The following KCNAB1 variants were observed in gnomAD, a reference collection of about 807,000 sequenced individuals.
KCNAB1 encodes the protein potassium voltage-gated channel subfamily A regulatory beta subunit 1.
KCNAB1 carries 35 observed loss-of-function variants against 64.6 expected under a neutral mutation model. That is an observed-to-expected ratio of 0.54 (90% CI 0.41 to 0.72). The LOEUF is 0.72. KCNAB1 is among the 30% of genes least tolerant of loss of function. The pLI, the probability that KCNAB1 is intolerant of heterozygous loss-of-function variation, is 0.00. For synonymous variants in KCNAB1, 177 were observed against 183.8 expected (o/e 0.96, Z 0.30); for missense variants, 401 against 512.9 (o/e 0.78, Z 2.11).
chr3:156,257,085 T>A (rs1271535622), intron 1 of KCNAB1, among the ~76,000 whole-genome samples: 3 of 152,208 alleles, frequency 2.0e-5, no homozygotes, highest in Non-Finnish European at 4.4e-5. Context: ...TCAGGGACAT[T>A]CCCATTATAC....
chr3:156,294,810 A>T (rs1331916183), intron 1 of KCNAB1, among the ~76,000 whole-genome samples: 1 of 152,194 alleles, frequency 6.6e-6, no homozygotes, highest in African/African-American at 2.4e-5. Flanking sequence ...AAGATTTTTT[A>T]AAAAGTCTTT....
chr3:156,247,691 T>C (rs568825697), intron 1 of KCNAB1, among the ~76,000 whole-genome samples: 3 of 152,090 alleles, frequency 2.0e-5, no homozygotes, highest in African/African-American at 4.8e-5. Flanking sequence ...GCCTCCCAGA[T>C]AGCTAGGACT....
rs73876137 is a variant in KCNAB1, at chr3:156,241,886, C to T, written c.275+121000C>T. On this transcript the variant is annotated intron_variant, in intron 1 of 13. Transcript: ENST00000490337. ...TGTGTCTGAAAATGTCTTTATTTTC[C>T]CCTTGAACTGATTGGCTGGATCAAG... Among the ~76,000 whole-genome samples the T allele has an allele frequency of 3.4e-3, 517 of 151,894 alleles. 3 individuals carry two copies. Among genetic ancestry groups the T allele is most frequent in the African/African-American group, 0.012 (487 of 41,416 alleles).
chr3:156,153,570 G>A (rs989032628), intron 1 of KCNAB1, among the ~76,000 whole-genome samples: 5 of 152,178 alleles, frequency 3.3e-5, no homozygotes, highest in Non-Finnish European at 5.9e-5. Flanking sequence ...TGGAATTGGT[G>A]GACTGAGTAA....
chr3:156,390,020 T>G (rs1262802785), intron 1 of KCNAB1, among the ~76,000 whole-genome samples: 2 of 152,234 alleles, frequency 1.3e-5, no homozygotes, highest in African/African-American at 4.8e-5. Flanking sequence ...CACAGACATA[T>G]CATTTTTGGA....
chr3:156,382,840 A>G (rs1281893004), intron 1 of KCNAB1, among the ~76,000 whole-genome samples: 3 of 152,230 alleles, frequency 2.0e-5, no homozygotes, highest in Non-Finnish European at 4.4e-5. Context: ...GCCTACCTGC[A>G]ATGAAAAAGA....
At chr3:156,262,948 G>T (rs1330449828) in intron 1 of KCNAB1, among the ~76,000 whole-genome samples, 3 of 151,644 alleles carry the variant, frequency 2.0e-5, no homozygotes, top group African/African-American at 7.2e-5. Context: ...TTGTGAAGTT[G>T]TTCATATTTT....
In KCNAB1 at chr3:156,474,797, C is replaced by G; in HGVS notation, c.635C>G (p.Pro212Arg). The change falls in exon 8 of 14, where the codon CCG becomes CGG. Residue 212 changes from proline (P) to arginine (R), a missense_variant. Pro to Arg is a moderately radical substitution (Grantham distance 103). Coordinates refer to ENST00000490337, the MANE Select transcript of KCNAB1 (RefSeq NM_172160.3). ...EYVDVVFANR[P>R]DSNTPMEEIV... ...GTGGATGTGGTCTTTGCAAATCGAC[C>G]GGACAGTAACACTCCCATGGAAGGT... 5 of 1,612,718 alleles carry G rather than the reference C, an allele frequency of 3.1e-6. No homozygotes were observed. Among genetic ancestry groups the G allele is most frequent in the Non-Finnish European group, 3.4e-6 (4 of 1,179,086 alleles).
chr3:156,137,640 G>T (rs942758432), intron 1 of KCNAB1, among the ~76,000 whole-genome samples: 2 of 151,008 alleles, frequency 1.3e-5, no homozygotes, highest in Admixed American at 6.6e-5. Flanking sequence ...GCCCCCACCA[G>T]GTTCAAGCAA....
chr3:156,535,918 CAT>C (rs1485979547), intron 13 of KCNAB1, among the ~76,000 whole-genome samples: 31 of 152,152 alleles, frequency 2.0e-4, no homozygotes, highest in Admixed American at 1.3e-3. Flanking sequence ...GTGGGGACTC[CAT>C]AAAATGGCAT....
chr3:156,303,824 C>T, intron 1 of KCNAB1, among the ~76,000 whole-genome samples: 1 of 152,136 alleles, frequency 6.6e-6, no homozygotes, highest in East Asian at 1.9e-4. Context: ...TGTATTCTGA[C>T]TTAGAAAAGA....
intron 1 of KCNAB1, among the ~76,000 whole-genome samples, chr3:156,126,029 A>G (rs780811419): frequency 6.6e-6 from 1 of 152,172 alleles, no homozygotes; most frequent in Non-Finnish European, 1.5e-5. Flanking sequence ...CTTGCAGCCT[A>G]GGAGTAATTG....
intron 1 of KCNAB1, among the ~76,000 whole-genome samples, chr3:156,161,855 A>G (rs1716098467): frequency 6.6e-6 from 1 of 152,228 alleles, no homozygotes; most frequent in Non-Finnish European, 1.5e-5. Flanking sequence ...ATGTTTACAT[A>G]ATAGTATTAT....
chr3:156,394,564 T>C (rs1713284964), intron 1 of KCNAB1, among the ~76,000 whole-genome samples: 1 of 151,116 alleles, frequency 6.6e-6, no homozygotes, highest in Non-Finnish European at 1.5e-5. Context: ...CAATTGAACA[T>C]AGTGAAGACA....
At chr3:156,121,040 C>A (rs1159818952) in intron 1 of KCNAB1, among the ~76,000 whole-genome samples, 154 bp downstream of exon 1, 4 of 152,172 alleles carry the variant, frequency 2.6e-5, no homozygotes, top group African/African-American at 7.2e-5. Flanking sequence ...CCACAAAGAG[C>A]AGGATCTTGG....
chr3:156,223,363 C>A (rs1715911857), intron 1 of KCNAB1, among the ~76,000 whole-genome samples: 1 of 152,234 alleles, frequency 6.6e-6, no homozygotes, highest in Non-Finnish European at 1.5e-5. Flanking sequence ...TCTGGCCCTA[C>A]CCACATCCTG....
rs1441989772 is a variant in KCNAB1 at position 156,398,678 on chromosome 3, T to A, written c.276-22938T>A. Among the ~76,000 whole-genome samples, 3 of 151,766 alleles carry A rather than the reference T, an allele frequency of 2.0e-5. No homozygotes were observed. In the East Asian group the frequency reaches 5.8e-4, roughly 29 times the overall value. On this transcript the variant is annotated intron_variant, in intron 1 of 13. Transcript: ENST00000490337. ...ATACCTATGTAACAGTGTATACCTA[T>A]GTAACAAACCTACATGTTCAGCACA... is the stretch of plus-strand genomic sequence containing the variant.
chr3:156,227,152 A>C (rs115114632), intron 1 of KCNAB1, among the ~76,000 whole-genome samples: 2,400 of 152,314 alleles, frequency 0.016, 46 homozygotes, highest in Non-Finnish European at 0.019. Flanking sequence ...TTGTTTTTAA[A>C]AAGTTATCCA....
intron 1 of KCNAB1, among the ~76,000 whole-genome samples, chr3:156,271,542 A>G (rs1029579191): frequency 6.6e-6 from 1 of 152,254 alleles, no homozygotes; most frequent in East Asian, 1.9e-4. Flanking sequence ...AGTATTTTAA[A>G]TTATTTCAAT....
Sources: allele counts gnomAD v4.1 joint callset (sites outside exome capture counted in the v4.1 genomes callset), GRCh38; gene constraint gnomAD v4.1.1; transcripts MANE v1.5; gene names NCBI Gene and HGNC (gene_info 2026-07-23, HGNC 2026-07-21).